The following FZD5 variants were observed in gnomAD, a reference collection of about 807,000 sequenced individuals.
FZD5 encodes the protein frizzled-5.
A neutral mutation model predicts 40.8 loss-of-function variants in FZD5; 12 were observed. That is an observed-to-expected ratio of 0.29 (90% CI 0.19 to 0.48). FZD5 has a LOEUF of 0.48. Ranked by LOEUF, FZD5 falls within the 20% of genes least tolerant of loss-of-function variation. The pLI is 0.99. For missense variants in FZD5, 622 were observed against 832.8 expected (o/e 0.75, Z 3.12); for synonymous variants, 380 against 383.7 (o/e 0.99, Z 0.11).
At position 207,767,074 on chromosome 2, in the gene FZD5, A is replaced by G; in HGVS notation, c.1666T>C (p.Tyr556His). The change falls in exon 2 of 2, where the codon TAC becomes CAC. Residue 556 changes from tyrosine to histidine, a missense_variant. Transcript: ENST00000295417. ...KSGGAMAAGD[Y>H]PEASAALTGR... ...GTGAGCGCGGCGCTCGCCTCGGGGT[A>G]GTCCCCTGCGGCCATGGCGCCCCCG... The G allele has an allele frequency of 2.5e-6, 4 of 1,591,516 alleles. No individual in the cohort carries two copies. The highest frequency in any genetic ancestry group is 3.4e-6 in the Non-Finnish European group (4 of 1,170,998).
In FZD5 at chr2:207,766,071, TAAAAAAAAAAAAAAA is replaced by T. The variant is rs1156799536; in HGVS notation, c.*896_*910del. On this transcript the variant is annotated 3_prime_UTR_variant, in exon 2 of 2. Coordinates refer to ENST00000295417, the MANE Select transcript of FZD5 (RefSeq NM_003468.4). ...TACCAAAATTATAACACAAGTTCCT[TAAAAAAAAAAAAAAA>T]AAAAAAAAAAGGGGATCACTGAAGC... 2.2e-5 allele frequency: 2 copies of T among 91,610 alleles called. No individual in the cohort carries two copies. Among genetic ancestry groups the T allele is most frequent in the African/African-American group, 9.1e-5 (2 of 22,016 alleles). 5.7% of individuals were successfully genotyped at this position (91,610 alleles called of 1,614,324 possible).
In FZD5 at chr2:207,765,689, T is replaced by A. The variant is rs1199673171; in HGVS notation, c.*1293A>T. The A allele has an allele frequency of 6.6e-6, 1 of 152,594 alleles. No individual in the cohort carries two copies. Among genetic ancestry groups the A allele is most frequent in the Non-Finnish European group, 1.5e-5 (1 of 68,040 alleles). The allele number at this position is 152,594 out of a possible 1,614,324, so 9.5% of individuals were successfully genotyped here. A position where few individuals can be genotyped will look rare whatever the true frequency, so the allele number is the denominator to read the frequency against. Reference sequence around the variant, plus strand: ...TTTTCAGAGACGGCAGAGAGCAACGTCTTGCTGCTCTTGGAATATCTGGCT... The same window carrying A: ...TTTTCAGAGACGGCAGAGAGCAACGACTTGCTGCTCTTGGAATATCTGGCT... On this transcript the variant is annotated 3_prime_UTR_variant, in exon 2 of 2. Transcript: ENST00000295417.
chr2:207,767,519 C>T lies in FZD5; in HGVS notation c.1221G>A (p.Pro407=). 1.2e-6 allele frequency: 2 copies of T among 1,609,660 alleles called. No individual in the cohort carries two copies. The highest frequency in any genetic ancestry group is 8.5e-7 in the Non-Finnish European group (1 of 1,179,888). The part of the protein sequence containing the change: ...LNSLRGFVLG[P]LVLYLLVGTL... ...TGCCCACCAGCAGGTAGAGCACCAG[C>T]GGGCCCAGCACGAAGCCGCGCAGCG... The change falls in exon 2 of 2, where the codon CCG becomes CCA. Residue 407 remains proline, a synonymous_variant. Coordinates refer to ENST00000295417, the MANE Select transcript of FZD5 (RefSeq NM_003468.4).
chr2:207,768,608 G>A lies in FZD5; in HGVS notation c.132C>T (p.Ile44=). The change falls in exon 2 of 2, where the codon ATC becomes ATT. Residue 44 remains isoleucine (I), a synonymous_variant. Transcript: ENST00000295417. ...TGGGCATGTGCGTCAGGTTGTAGCC[G>A]ATGCCGCGGCACATGGGCACCGTGA... ...QEITVPMCRG[I]GYNLTHMPNQ... 1.2e-6 allele frequency: 2 copies of A among 1,613,954 alleles called. No homozygotes were observed. The highest frequency in any genetic ancestry group is 1.7e-5 in the Admixed American group (1 of 60,028).
Position 207,768,925 on chromosome 2 carries a change from G to A in FZD5, c.-186C>T, listed in dbSNP as rs2091996852. The A allele has an allele frequency of 3.3e-6, 2 of 600,770 alleles. No homozygotes were observed. Among genetic ancestry groups the A allele is most frequent in the South Asian group, 2.1e-5 (1 of 48,348 alleles). 37.2% of individuals were successfully genotyped at this position (600,770 alleles called of 1,614,324 possible). On this transcript the variant is annotated 5_prime_UTR_variant, in exon 2 of 2. Transcript: ENST00000295417. ...CTTCGGGAAGGCGCTGCCTCCGCTG[G>A]CAGCGCTCCGCTCCTCGCCGGATAG...
At position 207,767,054 on chromosome 2, in the gene FZD5, C is replaced by T; in HGVS notation, c.1686G>A (p.Ala562=). ...AAGDYPEASA[A]LTGRTGPPGP... is the part of the protein sequence containing the mutation. ...CCGGCGGCCCGGTCCTGCCTGTGAGCGCGGCGCTCGCCTCGGGGTAGTCCC... is the reference window on the plus strand; with the variant it reads ...CCGGCGGCCCGGTCCTGCCTGTGAGTGCGGCGCTCGCCTCGGGGTAGTCCC... The change falls in exon 2 of 2, where the codon GCG becomes GCA. Residue 562 remains alanine (A), a synonymous_variant. Coordinates refer to ENST00000295417, the MANE Select transcript of FZD5 (RefSeq NM_003468.4). 2 of 1,527,144 alleles carry T rather than the reference C, an allele frequency of 1.3e-6. No individual in the cohort carries two copies. The highest frequency in any genetic ancestry group is 4.8e-5 in the East Asian group (2 of 41,818). 94.6% of individuals were successfully genotyped at this position (1,527,144 alleles called of 1,614,324 possible).
At position 207,767,812 on chromosome 2, in the gene FZD5, T is replaced by G; in HGVS notation, c.928A>C (p.Thr310Pro). ...ACGATGGTGCACAGTGCAGGGCCCG[T>G]GGTCTCGTAGTGGATGTGGTTGTGC... ...REHNHIHYET[T>P]GPALCTIVFL... Residue 310 changes from threonine (T) to proline (P), a missense_variant, in exon 2 of 2, where the codon ACG (threonine) becomes CCG (proline). By Grantham distance (38) the Thr-to-Pro change is conservative. This residue lies in a region of FZD5 where 208 missense variants were observed against 348.9 expected (regional missense o/e 0.60). Transcript: ENST00000295417. 1 of 1,610,438 alleles carries G rather than the reference T, an allele frequency of 6.2e-7. No homozygotes were observed. The highest frequency in any genetic ancestry group is 8.5e-7 in the Non-Finnish European group (1 of 1,178,356).
chr2:207,768,895 A>G lies in FZD5; in HGVS notation c.-156T>C. 3.1e-6 allele frequency: 2 copies of G among 639,234 alleles called. No homozygotes were observed. The highest frequency in any genetic ancestry group is 5.4e-6 in the Non-Finnish European group (2 of 367,518). The allele number at this position is 639,234 out of a possible 1,614,324, so 39.6% of individuals were successfully genotyped here. On this transcript the variant is annotated 5_prime_UTR_variant, in exon 2 of 2. Coordinates refer to ENST00000295417, the MANE Select transcript of FZD5 (RefSeq NM_003468.4). Reference sequence around the variant, plus strand: ...CTTTAAAGAAAACCGTCCAAAGATAAACTGCTTCGGGAAGGCGCTGCCTCC... The same window carrying G: ...CTTTAAAGAAAACCGTCCAAAGATAGACTGCTTCGGGAAGGCGCTGCCTCC...
In FZD5 at chr2:207,769,321, C is replaced by A. The variant is rs2091999372; in HGVS notation, c.-312G>T. ...TCCCCAGCCAGCCTGGGTCCTCCGT[C>A]CCTGGGTCACTCCGCTGAGAAGCGC... On this transcript the variant is annotated 5_prime_UTR_variant, in exon 1 of 2. Coordinates refer to ENST00000295417, the MANE Select transcript of FZD5 (RefSeq NM_003468.4). 1 of 152,712 alleles carries A rather than the reference C, an allele frequency of 6.5e-6. No homozygotes were observed. The highest frequency in any genetic ancestry group is 1.5e-5 in the Non-Finnish European group (1 of 68,406). 9.5% of individuals were successfully genotyped at this position (152,712 alleles called of 1,614,324 possible).
chr2:207,768,530 G>C lies in FZD5; in HGVS notation c.210C>G (p.Phe70Leu). ...QDEAGLEVHQ[F>L]WPLVEIQCSP... ...AGCATTGGATCTCCACCAGCGGCCA[G>C]AACTGGTGCACCTCCAGGCCCGCCT... is the stretch of plus-strand genomic sequence containing the variant. Residue 70 changes from phenylalanine to leucine, a missense_variant, in exon 2 of 2, where the codon TTC becomes TTG. This residue lies in a region of FZD5 where 144 missense variants were observed against 214.2 expected (regional missense o/e 0.67). Transcript: ENST00000295417. 1 of 1,614,012 alleles carries C rather than the reference G, an allele frequency of 6.2e-7. No homozygotes were observed. The highest frequency in any genetic ancestry group is 8.5e-7 in the Non-Finnish European group (1 of 1,179,890).
chr2:207,768,557 G>T lies in FZD5; in HGVS notation c.183C>A (p.Asp61Glu). 6 of 1,613,970 alleles carry T rather than the reference G, an allele frequency of 3.7e-6. No individual in the cohort carries two copies. Among genetic ancestry groups the T allele is most frequent in the Non-Finnish European group, 5.1e-6 (6 of 1,179,880 alleles). Reference protein sequence around the residue: ...MPNQFNHDTQDEAGLEVHQFW... With the variant: ...MPNQFNHDTQEEAGLEVHQFW... ...ACTGGTGCACCTCCAGGCCCGCCTC[G>T]TCCTGCGTGTCGTGGTTGAACTGGT... The change falls in exon 2 of 2, where the codon GAC becomes GAA. Residue 61 changes from aspartate to glutamate, a missense_variant. Asp to Glu is a conservative substitution (Grantham distance 45, BLOSUM62 2). Around this residue, in one of 4 missense-constraint regions of FZD5, gnomAD observed 144 missense variants for 214.2 expected, o/e 0.67. Transcript: ENST00000295417.
At position 207,764,504 on chromosome 2, in the gene FZD5, G is replaced by A. The variant is rs1339412478; in HGVS notation, c.*2478C>T. 1 of 152,192 alleles carries A rather than the reference G, an allele frequency of 6.6e-6. No individual in the cohort carries two copies. The highest frequency in any genetic ancestry group is 6.5e-5 in the Admixed American group (1 of 15,274). The allele number at this position is 152,192 out of a possible 1,614,324, so 9.4% of individuals were successfully genotyped here. A position where few individuals can be genotyped will look rare whatever the true frequency, so the allele number is the denominator to read the frequency against. ...GAGAGGGACAGCAGAGGTGAGAACA[G>A]AGACAAAGAAGTGCTTCTGAAAGTT... On this transcript the variant is annotated 3_prime_UTR_variant, in exon 2 of 2. Transcript: ENST00000295417.
Position 207,765,681 on chromosome 2 carries a change from G to A in FZD5, c.*1301C>T, listed in dbSNP as rs1046905593. The A allele has an allele frequency of 2.6e-5, 4 of 152,622 alleles. No homozygotes were observed. The highest frequency in any genetic ancestry group is 4.8e-5 in the African/African-American group (2 of 41,438). The allele number at this position is 152,622 out of a possible 1,614,324, so 9.5% of individuals were successfully genotyped here. A position where few individuals can be genotyped will look rare whatever the true frequency, so the allele number is the denominator to read the frequency against. ...CTCTTTTGTTTTCAGAGACGGCAGAGAGCAACGTCTTGCTGCTCTTGGAAT... is the reference window on the plus strand; with the variant it reads ...CTCTTTTGTTTTCAGAGACGGCAGAAAGCAACGTCTTGCTGCTCTTGGAAT... On this transcript the variant is annotated 3_prime_UTR_variant, in exon 2 of 2. Transcript: ENST00000295417.
rs576549360 is a variant in FZD5, at chr2:207,766,807, T to C, written c.*175A>G. On this transcript the variant is annotated 3_prime_UTR_variant, in exon 2 of 2. Transcript: ENST00000295417. Reference sequence around the variant, plus strand: ...TAGAATACACGTGAGCTGGGCCCCTTGGAGAAGACCTGGGACAGGTTCTTC... The same window carrying C: ...TAGAATACACGTGAGCTGGGCCCCTCGGAGAAGACCTGGGACAGGTTCTTC... The C allele has an allele frequency of 4.0e-6, 2 of 497,808 alleles. No homozygotes were observed. The highest frequency in any genetic ancestry group is 3.9e-5 in the African/African-American group (2 of 50,638). 30.8% of individuals were successfully genotyped at this position (497,808 alleles called of 1,614,324 possible). A position where few individuals can be genotyped will look rare whatever the true frequency, so the allele number is the denominator to read the frequency against.
Position 207,767,041 on chromosome 2 carries a change from T to A in FZD5, c.1699A>T (p.Thr567Ser). The A allele has an allele frequency of 6.6e-7, 1 of 1,514,554 alleles. No homozygotes were observed. The allele number at this position is 1,514,554 out of a possible 1,614,324, so 93.8% of individuals were successfully genotyped here. A position where few individuals can be genotyped will look rare whatever the true frequency, so the allele number is the denominator to read the frequency against. The part of the protein sequence containing the change: ...PEASAALTGR[T>S]GPPGPAATYH... ...GTGGCGGCGGGGCCCGGCGGCCCGG[T>A]CCTGCCTGTGAGCGCGGCGCTCGCC... Residue 567 changes from threonine (T) to serine (S), a missense_variant, in exon 2 of 2, where the codon ACC becomes TCC. Around this residue, in one of 4 missense-constraint regions of FZD5, gnomAD observed 154 missense variants for 152.1 expected, o/e 1.01. Transcript: ENST00000295417.
Position 207,767,753 on chromosome 2 carries a change from G to A in FZD5, c.987C>T (p.Ser329=). The change falls in exon 2 of 2, where the codon AGC becomes AGT. Residue 329 remains serine, a synonymous_variant. Transcript: ENST00000295417. ...GCGACAGGATGACCCACCAGATGGA[G>A]CTGGCCATGCCGAAGAAGTAGACCA... ...FLLVYFFGMA[S]SIWWVILSLT... is the part of the protein sequence containing the mutation. The A allele has an allele frequency of 1.2e-6, 2 of 1,614,130 alleles. No individual in the cohort carries two copies. Among genetic ancestry groups the A allele is most frequent in the Non-Finnish European group, 1.7e-6 (2 of 1,179,990 alleles).
At position 207,764,573 on chromosome 2, in the gene FZD5, C is replaced by T. The variant is rs1179764930; in HGVS notation, c.*2409G>A. 3 of 152,190 alleles carry T rather than the reference C, an allele frequency of 2.0e-5. No homozygotes were observed. Among genetic ancestry groups the T allele is most frequent in the Admixed American group, 6.5e-5 (1 of 15,276 alleles). The allele number at this position is 152,190 out of a possible 1,614,324, so 9.4% of individuals were successfully genotyped here. On this transcript the variant is annotated 3_prime_UTR_variant, in exon 2 of 2. Coordinates refer to ENST00000295417, the MANE Select transcript of FZD5 (RefSeq NM_003468.4). ...AAAGATCCTGACTAATATTGCCCCC[C>T]ACTTGGGCTTAGCGTCCTTTGTTTT...
In FZD5 at chr2:207,768,038, G is replaced by A. The variant is rs1361815982; in HGVS notation, c.702C>T (p.Phe234=). ...ACCACAGGCCTATCCAGAAGGTGGC[G>A]AACGTGCGCTCGTCGGCACTGAAGG... The part of the protein sequence containing the change: ...QPSFSADERT[F]ATFWIGLWSV... Residue 234 remains phenylalanine, a synonymous_variant, in exon 2 of 2, where the codon TTC becomes TTT. Transcript: ENST00000295417. 2 of 1,611,504 alleles carry A rather than the reference G, an allele frequency of 1.2e-6. No individual in the cohort carries two copies. The highest frequency in any genetic ancestry group is 4.5e-5 in the East Asian group (2 of 44,754).
Position 207,769,007 on chromosome 2 carries a change from AG to A in FZD5, c.-255-14del, listed in dbSNP as rs966331788. ...CAGGGAAAGGACTCTTTAAAAAAGA[AG>A]GGGGAGAAGAAAGATTGCAACCACT... On this transcript the variant is annotated splice_polypyrimidine_tract_variant and intron_variant, in intron 1 of 1. Coordinates refer to ENST00000295417, the MANE Select transcript of FZD5 (RefSeq NM_003468.4). 46 of 515,882 alleles carry A rather than the reference AG, an allele frequency of 8.9e-5. No individual in the cohort carries two copies. The highest frequency in any genetic ancestry group is 8.4e-4 in the African/African-American group (41 of 49,008). 32.0% of individuals were successfully genotyped at this position (515,882 alleles called of 1,614,324 possible).
Sources: gnomAD v4.1 joint callset for allele counts on GRCh38, gnomAD v4.1.1 for gene constraint, gnomAD v4.1.1 regional missense constraint, MANE v1.5 for transcripts, NCBI Gene and HGNC (gene_info 2026-07-23, HGNC 2026-07-21) for gene names.